The following ZNF107 variants were observed in gnomAD, a reference collection of about 807,000 sequenced individuals.
ZNF107 encodes the protein zinc finger protein 107.
In ZNF107, 19 loss-of-function variants were observed where a neutral mutation model predicts 12.3. The ratio of observed to expected loss-of-function variants is 1.55; its 90% confidence interval spans 1.08 to 2.27. The LOEUF is 2.27. Among genes scored for constraint, ZNF107 ranks in the 30% most tolerant of loss-of-function variants. The pLI, the probability that ZNF107 is intolerant of heterozygous loss-of-function variation, is 0.00. For synonymous variants in ZNF107, 317 were observed against 330.5 expected (o/e 0.96, Z 0.44); for missense variants, 958 against 979.9 (o/e 0.98, Z 0.30).
chr7:64,694,047 C>T (rs1395244390), intron 3 of ZNF107, among the ~76,000 whole-genome samples: 1 of 152,144 alleles, frequency 6.6e-6, no homozygotes, highest in Non-Finnish European at 1.5e-5. Context: ...CTCTACCGCC[C>T]AAAGTGCTGG....
At chr7:64,690,358 C>T in intron 1 of ZNF107, 1 of 985,364 alleles carries the variant, frequency 1.0e-6, no homozygotes, top group Non-Finnish European at 1.2e-6. Context: ...CTCCCAGCTG[C>T]AGTTCTGTTC....
rs929057890 is a variant in ZNF107, at chr7:64,696,992, G to A, written c.226+5032G>A. Among the ~76,000 whole-genome samples, 30 of 132,900 alleles carry A rather than the reference G, an allele frequency of 2.3e-4. No homozygotes were observed. In the East Asian group the frequency reaches 2.8e-3, roughly 13 times the overall value. The allele number at this position is 132,900 out of a possible 152,430, so 87.2% of individuals were successfully genotyped here. A position where few individuals can be genotyped will look rare whatever the true frequency, so the allele number is the denominator to read the frequency against. ...CTGCCCCCACCCCACAACAGTCCCCGGTGTGTGATGTTCCCCTTCCTGTGT... is the reference window on the plus strand; with the variant it reads ...CTGCCCCCACCCCACAACAGTCCCCAGTGTGTGATGTTCCCCTTCCTGTGT... On this transcript the variant is annotated intron_variant, in intron 3 of 3. Coordinates refer to ENST00000620827, the MANE Select transcript of ZNF107 (RefSeq NM_001282359.2).
intron 1 of ZNF107, among the ~76,000 whole-genome samples, chr7:64,668,097 G>A (rs1431089211): frequency 1.3e-5 from 2 of 152,126 alleles, no homozygotes; most frequent in Non-Finnish European, 2.9e-5. Flanking sequence ...GATGGGGTAG[G>A]AGAATCTAGT....
intron 1 of ZNF107, among the ~76,000 whole-genome samples, chr7:64,689,033 T>A (rs1041015088): frequency 6.6e-6 from 1 of 151,860 alleles, no homozygotes; most frequent in African/African-American, 2.4e-5. Flanking sequence ...CCTGGCAACA[T>A]GAATCTTTGA....
intron 1 of ZNF107, among the ~76,000 whole-genome samples, chr7:64,688,723 G>A (rs1384330307): frequency 6.6e-6 from 1 of 152,040 alleles, no homozygotes; most frequent in Non-Finnish European, 1.5e-5. Flanking sequence ...TAGTTATAAG[G>A]TTCAGAGACA....
At chr7:64,670,249 T>C (rs1789170651) in intron 1 of ZNF107, among the ~76,000 whole-genome samples, 1 of 152,122 alleles carries the variant, frequency 6.6e-6, no homozygotes, top group Non-Finnish European at 1.5e-5. Flanking sequence ...AAAAGATCTT[T>C]AAGAATTGCA....
chr7:64,666,244 T>G lies in ZNF107; in HGVS notation c.-39T>G. On this transcript the variant is annotated 5_prime_UTR_variant, in exon 1 of 4. Coordinates refer to ENST00000620827, the MANE Select transcript of ZNF107 (RefSeq NM_001282359.2). ...CCTGTGACCTGCAGATATTGGGAGA[T>G]CCACAGCTAAGACGCCGGGACTCCC... is the stretch of plus-strand genomic sequence containing the variant. 7 of 1,606,594 alleles carry G rather than the reference T, an allele frequency of 4.4e-6. No individual in the cohort carries two copies. In the South Asian group the frequency reaches 7.7e-5, roughly 18 times the overall value.
chr7:64,703,739 C>T (rs964663797), intron 3 of ZNF107, among the ~76,000 whole-genome samples: 1 of 152,124 alleles, frequency 6.6e-6, no homozygotes, highest in Non-Finnish European at 1.5e-5. Flanking sequence ...AAAAGTTTGT[C>T]TCTTGATTTT....
At chr7:64,687,380 A>G (rs1789959523) in intron 1 of ZNF107, 2 of 985,306 alleles carry the variant, frequency 2.0e-6, no homozygotes, top group Non-Finnish European at 2.4e-6. Flanking sequence ...GGAGGCCTGC[A>G]GGCTCTCCTC....
At chr7:64,698,041 G>A (rs1438052656) in intron 3 of ZNF107, among the ~76,000 whole-genome samples, 2 of 151,950 alleles carry the variant, frequency 1.3e-5, no homozygotes, top group Non-Finnish European at 2.9e-5. Flanking sequence ...AGTCAATATG[G>A]GTTTCATTTT....
At chr7:64,705,696 C>CT (rs59441538) in intron 3 of ZNF107, among the ~76,000 whole-genome samples, 139 of 134,976 alleles carry the variant, frequency 1.0e-3, no homozygotes, top group Middle Eastern at 3.8e-3. Flanking sequence ...AATTTTCTAG[C>CT]TTTTTTTTTT....
At chr7:64,686,769 A>G in intron 1 of ZNF107, 2 of 849,810 alleles carry the variant, frequency 2.4e-6, no homozygotes, top group Non-Finnish European at 2.8e-6. Flanking sequence ...ACCATGTTGT[A>G]ATTTTCCACC....
chr7:64,689,098 G>A (rs1180938443), intron 1 of ZNF107, among the ~76,000 whole-genome samples: 1 of 152,082 alleles, frequency 6.6e-6, no homozygotes, highest in Non-Finnish European at 1.5e-5. Context: ...TTATATTCAT[G>A]TAGCTTCAGC....
chr7:64,693,342 C>A lies in ZNF107; in HGVS notation c.226+1382C>A, dbSNP rs567221827. Among the ~76,000 whole-genome samples, 41 of 137,126 alleles carry A rather than the reference C, an allele frequency of 3.0e-4. 2 individuals are homozygous for A. The South Asian group carries it at 9.6e-3, about 32-fold the overall frequency. 90.0% of individuals were successfully genotyped at this position (137,126 alleles called of 152,430 possible). On this transcript the variant is annotated intron_variant, in intron 3 of 3. Coordinates refer to ENST00000620827, the MANE Select transcript of ZNF107 (RefSeq NM_001282359.2). Reference sequence around the variant, plus strand: ...TTTTTTTTTTTTTTCTTAACTAATTCTTTTGCCACATACTTTCAGTGCTAT... The same window carrying A: ...TTTTTTTTTTTTTTCTTAACTAATTATTTTGCCACATACTTTCAGTGCTAT...
At chr7:64,700,871 G>A (rs1415918687) in intron 3 of ZNF107, among the ~76,000 whole-genome samples, 1 of 151,856 alleles carries the variant, frequency 6.6e-6, no homozygotes, top group Non-Finnish European at 1.5e-5. Flanking sequence ...CTGCTCTCAG[G>A]TATTATTCTA....
intron 3 of ZNF107, among the ~76,000 whole-genome samples, chr7:64,695,747 A>G (rs1358618411): frequency 1.3e-5 from 2 of 152,156 alleles, no homozygotes; most frequent in Non-Finnish European, 2.9e-5. Context: ...CTAAGTAGTC[A>G]TGGAAATCAT....
At chr7:64,690,334 A>G in intron 1 of ZNF107, 1 of 983,414 alleles carries the variant, frequency 1.0e-6, no homozygotes. Context: ...GAGCAGAGTA[A>G]TATATAGGGT....
In ZNF107 at chr7:64,708,181, A is replaced by G. The variant is rs1477581718; in HGVS notation, c.2084A>G (p.His695Arg). Residue 695 changes from histidine to arginine, a missense_variant, in exon 4 of 4, where the codon CAT (histidine) becomes CGT (arginine). Physicochemically the swap from His to Arg is conservative, Grantham distance 29. Transcript: ENST00000620827. ...AYNRFSNLTI[H>R]KRIHTGEKPY... Reference sequence around the variant, plus strand: ...AACCGATTCTCAAACCTAACTATACATAAGAGAATTCATACGGGAGAGAAA... The same window carrying G: ...AACCGATTCTCAAACCTAACTATACGTAAGAGAATTCATACGGGAGAGAAA... 1.2e-6 allele frequency: 2 copies of G among 1,612,390 alleles called. No homozygotes were observed. Among genetic ancestry groups the G allele is most frequent in the Admixed American group, 1.7e-5 (1 of 59,648 alleles).
chr7:64,667,317 T>C (rs1789041054), intron 1 of ZNF107, among the ~76,000 whole-genome samples: 1 of 152,254 alleles, frequency 6.6e-6, no homozygotes, highest in Non-Finnish European at 1.5e-5. Flanking sequence ...TGTATTTTAA[T>C]TAATCATTGT....
Sources: allele counts gnomAD v4.1 joint callset (sites outside exome capture counted in the v4.1 genomes callset), GRCh38; gene constraint gnomAD v4.1.1; transcripts MANE v1.5; gene names NCBI Gene and HGNC (gene_info 2026-07-23, HGNC 2026-07-21).